The following PACRG variants were observed in gnomAD, a reference collection of about 807,000 sequenced individuals.
PACRG encodes parkin coregulated.
A neutral mutation model predicts 29.7 loss-of-function variants in PACRG; 29 were observed. That is an observed-to-expected ratio of 0.98 (90% CI 0.73 to 1.33). PACRG has a LOEUF of 1.33. Ranked by LOEUF, PACRG falls within the 40% of genes most tolerant of loss-of-function variation. The probability of loss-of-function intolerance (pLI) is 0.00; values close to 1 mark genes in which losing one functional copy is unlikely to be tolerated. For synonymous variants in PACRG, 116 were observed against 118.7 expected (o/e 0.98, Z 0.15); for missense variants, 279 against 316.2 (o/e 0.88, Z 0.89).
chr6:163,118,870 T>C (rs553800963), intron 4 of PACRG, among the ~76,000 whole-genome samples: 23 of 152,324 alleles, frequency 1.5e-4, no homozygotes, highest in Non-Finnish European at 1.5e-5. Context: ...TTCTCAGACA[T>C]GTGGGAAGTG....
chr6:163,008,316 G>A (rs994271182), intron 2 of PACRG, among the ~76,000 whole-genome samples: 5 of 151,974 alleles, frequency 3.3e-5, no homozygotes, highest in African/African-American at 4.8e-5. Flanking sequence ...AATGTCTTCC[G>A]AAATCAAAGC....
At chr6:162,901,687 C>T (rs542471893) in intron 2 of PACRG, among the ~76,000 whole-genome samples, 3 of 152,288 alleles carry the variant, frequency 2.0e-5, no homozygotes, top group African/African-American at 7.2e-5. Flanking sequence ...CTAGAATTTC[C>T]TGGAGAGTCA....
At chr6:162,811,802 A>G (rs1017631391) in intron 1 of PACRG, among the ~76,000 whole-genome samples, 2 of 152,050 alleles carry the variant, frequency 1.3e-5, no homozygotes, top group African/African-American at 2.4e-5. Context: ...TAGGTTGACA[A>G]CCCCTTATCT....
chr6:162,822,461 T>C (rs539651939), intron 2 of PACRG, among the ~76,000 whole-genome samples: 5 of 152,354 alleles, frequency 3.3e-5, no homozygotes, highest in African/African-American at 1.2e-4. Flanking sequence ...GGGAAAAGTA[T>C]AGAAATGGAC....
intron 2 of PACRG, among the ~76,000 whole-genome samples, chr6:162,951,600 C>A (rs999133995): frequency 6.6e-6 from 1 of 152,234 alleles, no homozygotes; most frequent in African/African-American, 2.4e-5. Context: ...TGACCACTCC[C>A]TCTCACAGCT....
chr6:162,981,641 T>G (rs1198910733), intron 2 of PACRG, among the ~76,000 whole-genome samples: 2 of 152,144 alleles, frequency 1.3e-5, no homozygotes, highest in Non-Finnish European at 2.9e-5. Context: ...ATGGTCATTT[T>G]CACAATATTG....
At chr6:163,239,244 C>T (rs1204397859) in intron 4 of PACRG, among the ~76,000 whole-genome samples, 1 of 152,126 alleles carries the variant, frequency 6.6e-6, no homozygotes, top group Non-Finnish European at 1.5e-5. Flanking sequence ...TTTTTCTAAC[C>T]TTCAACTGGA....
At chr6:162,824,112 A>G (rs902971024) in intron 2 of PACRG, among the ~76,000 whole-genome samples, 1 of 152,152 alleles carries the variant, frequency 6.6e-6, no homozygotes, top group African/African-American at 2.4e-5. Flanking sequence ...TTTCTAGGAC[A>G]GAATGCAATG....
At chr6:162,762,659 C>G (rs1782468545) in intron 1 of PACRG, among the ~76,000 whole-genome samples, 1 of 152,164 alleles carries the variant, frequency 6.6e-6, no homozygotes, top group Admixed American at 6.5e-5. Context: ...ACTTTGCGTT[C>G]TTTCATTATG....
intron 4 of PACRG, among the ~76,000 whole-genome samples, chr6:163,262,983 T>C (rs1783388969): frequency 6.6e-6 from 1 of 150,774 alleles, no homozygotes; most frequent in Non-Finnish European, 1.5e-5. Context: ...ACCAGGAGGC[T>C]GAGGCTGCAG....
chr6:163,095,992 T>C (rs1408030414), intron 4 of PACRG, among the ~76,000 whole-genome samples: 1 of 152,210 alleles, frequency 6.6e-6, no homozygotes, highest in East Asian at 1.9e-4. Context: ...TTCACATTGC[T>C]GTAACTAGTG....
chr6:162,814,309 A>AGCTGCAC, intron 2 of PACRG, 28 bp downstream of exon 2: 1 of 1,609,742 alleles, frequency 6.2e-7, no homozygotes, highest in Non-Finnish European at 8.5e-7. Flanking sequence ...TGTGCCGGCC[A>AGCTGCAC]GCTGCACCCG....
chr6:162,941,048 A>G (rs9347708), intron 2 of PACRG, among the ~76,000 whole-genome samples: 12 of 81,856 alleles, frequency 1.5e-4, no homozygotes, highest in African/African-American at 2.6e-4. Context: ...GTGTTTGTGC[A>G]TGTGTGTGTG....
chr6:162,823,219 C>T (rs1274420954), intron 2 of PACRG, among the ~76,000 whole-genome samples: 2 of 152,096 alleles, frequency 1.3e-5, no homozygotes, highest in Non-Finnish European at 2.9e-5. Flanking sequence ...GGTAAATGCA[C>T]TATTTTTGTG....
rs1585370473 is a variant in PACRG, at chr6:163,249,567, T to C, written c.614-65260T>C. Among the ~76,000 whole-genome samples the C allele has an allele frequency of 2.6e-5, 4 of 152,330 alleles. No homozygotes were observed. The East Asian group carries it at 7.7e-4, about 29-fold the overall frequency. On this transcript the variant is annotated intron_variant, in intron 4 of 4. Coordinates refer to ENST00000366888, the MANE Select transcript of PACRG (RefSeq NM_001080379.2). ...TGGGCCGGAAGTGGAGCCAACTCTCTCGCCTCCTGTGCCTGCTTACATTCC... is the reference window on the plus strand; with the variant it reads ...TGGGCCGGAAGTGGAGCCAACTCTCCCGCCTCCTGTGCCTGCTTACATTCC...
intron 1 of PACRG, among the ~76,000 whole-genome samples, chr6:162,787,218 T>C (rs1331326783): frequency 1.3e-5 from 2 of 152,146 alleles, no homozygotes; most frequent in Non-Finnish European, 2.9e-5. Flanking sequence ...TACTCTGTAC[T>C]TATAGTTTTA....
intron 4 of PACRG, among the ~76,000 whole-genome samples, chr6:163,312,289 G>T (rs1445702655): frequency 6.6e-6 from 1 of 152,172 alleles, no homozygotes; most frequent in African/African-American, 2.4e-5. Flanking sequence ...CTGGAAAGCT[G>T]AAGTTGTTTC....
intron 3 of PACRG, among the ~76,000 whole-genome samples, chr6:163,080,821 A>G (rs1813007701): frequency 1.3e-5 from 2 of 152,212 alleles, no homozygotes; most frequent in African/African-American, 4.8e-5. Flanking sequence ...ATGGCATGCT[A>G]TGGTATTTAT....
chr6:162,732,310 A>C (rs894482681), intron 1 of PACRG, among the ~76,000 whole-genome samples: 7 of 152,156 alleles, frequency 4.6e-5, no homozygotes, highest in Admixed American at 3.9e-4. Context: ...GGTATGGAGC[A>C]ATCTGCAAGA....
Sources: gnomAD v4.1 joint callset for allele counts (sites outside exome capture counted in the v4.1 genomes callset) on GRCh38, gnomAD v4.1.1 for gene constraint, MANE v1.5 for transcripts, NCBI Gene and HGNC (gene_info 2026-07-23, HGNC 2026-07-21) for gene names.